The following CEP152 variants were observed in gnomAD, a reference collection of about 807,000 sequenced individuals.
CEP152 encodes centrosomal protein 152.
A neutral mutation model predicts 188.9 loss-of-function variants in CEP152; 132 were observed. The ratio of observed to expected loss-of-function variants is 0.70; its 90% CI spans 0.61 to 0.81. The LOEUF (loss-of-function observed/expected upper bound fraction) is 0.81, where lower values mean the gene tolerates loss of function less well. CEP152 is among the 30% of genes least tolerant of loss of function. CEP152 has a pLI of 0.00. For synonymous variants in CEP152, 649 were observed against 666.6 expected (o/e 0.97, Z 0.41); for missense variants, 1,914 against 1,969.8 (o/e 0.97, Z 0.54).
At chr15:48,751,659 G>A (rs573433001) in intron 21 of CEP152, among the ~76,000 whole-genome samples, 1 of 152,290 alleles carries the variant, frequency 6.6e-6, no homozygotes, top group South Asian at 2.1e-4. Context: ...TTGCGTTTGT[G>A]TGGGGAGGAA....
intron 18 of CEP152, among the ~76,000 whole-genome samples, chr15:48,761,002 C>T (rs905441045): frequency 3.3e-5 from 5 of 152,112 alleles, no homozygotes; most frequent in Non-Finnish European, 7.4e-5. Context: ...TGTCTACGTA[C>T]AAACTCCAAG....
chr15:48,802,181 T>C (rs1459202934), intron 2 of CEP152, among the ~76,000 whole-genome samples: 1 of 152,118 alleles, frequency 6.6e-6, no homozygotes, highest in Non-Finnish European at 1.5e-5. Flanking sequence ...TGCAAAGTCA[T>C]ATTGTTACAT....
Position 48,756,009 on chromosome 15 carries a change from T to C in CEP152, c.3239A>G (p.Lys1080Arg), listed in dbSNP as rs200167001. The C allele has an allele frequency of 5.6e-5, 90 of 1,614,096 alleles. No homozygotes were observed. The African/African-American group carries it at 1.1e-3, about 20-fold the overall frequency. Residue 1080 changes from lysine (K) to arginine (R), a missense_variant, in exon 20 of 27, where the codon AAA (lysine) becomes AGA (arginine). Coordinates refer to ENST00000380950, the MANE Select transcript of CEP152 (RefSeq NM_001194998.2). ...LLEIMSTCSS[K>R]WMSVQYFEKL... is the part of the protein sequence containing the mutation. ...TTCAAAATATTGCACAGACATCCAT[T>C]TTGAAGAACAAGTCGACATGATTTC...
In CEP152 at chr15:48,767,083, T is replaced by G; in HGVS notation, c.2257A>C (p.Lys753Gln). The G allele has an allele frequency of 1.2e-6, 2 of 1,613,320 alleles. No homozygotes were observed. The highest frequency in any genetic ancestry group is 1.1e-5 in the South Asian group (1 of 91,072). The change falls in exon 17 of 27, where the codon AAG (lysine) becomes CAG (glutamine). Residue 753 changes from lysine (K) to glutamine (Q), a missense_variant. Transcript: ENST00000380950. ...ACCTTCTCCTGAGTCTGTTGCTCCTTTTCAGTGGTCTTCCTGAGAGTCAAT... is the reference window on the plus strand; with the variant it reads ...ACCTTCTCCTGAGTCTGTTGCTCCTGTTCAGTGGTCTTCCTGAGAGTCAAT... ...LELTLRKTTEKEQQTQEKIKE... is the reference protein window; with the variant it reads ...LELTLRKTTEQEQQTQEKIKE...
chr15:48,750,648 T>C (rs1893801664), intron 21 of CEP152, among the ~76,000 whole-genome samples: 1 of 152,140 alleles, frequency 6.6e-6, no homozygotes, highest in Admixed American at 6.5e-5. Context: ...ACTGAAATAC[T>C]ATGTAGCAAT....
At chr15:48,775,393 C>A (rs949436512) in intron 12 of CEP152, among the ~76,000 whole-genome samples, 1 of 151,964 alleles carries the variant, frequency 6.6e-6, no homozygotes, top group Admixed American at 6.6e-5. Flanking sequence ...GAAAAAAATT[C>A]TTAAAGCAGC....
At position 48,756,503 on chromosome 15, in the gene CEP152, TTCAAGC is replaced by T; in HGVS notation, c.2739_2744del (p.Leu914_Glu915del). ...CAGGAAGTATATTTTTCCTCATATT[TTCAAGC>T]TCACTCTTCCATTTCTCTTTAGCTT... On this transcript the variant is annotated inframe_deletion, in exon 20 of 27. Coordinates refer to ENST00000380950, the MANE Select transcript of CEP152 (RefSeq NM_001194998.2). 1 of 1,611,188 alleles carries T rather than the reference TTCAAGC, an allele frequency of 6.2e-7. No homozygotes were observed. Among genetic ancestry groups the T allele is most frequent in the Middle Eastern group, 1.7e-4 (1 of 6,060 alleles).
chr15:48,780,624 C>T (rs1483725329), intron 12 of CEP152, among the ~76,000 whole-genome samples: 2 of 152,198 alleles, frequency 1.3e-5, no homozygotes, highest in Non-Finnish European at 1.5e-5. Context: ...AACACCGTAT[C>T]TCTCTCTTCC....
At chr15:48,799,758 T>G (rs1422233109) in intron 2 of CEP152, among the ~76,000 whole-genome samples, 1 of 152,054 alleles carries the variant, frequency 6.6e-6, no homozygotes. Context: ...AAGACATGCC[T>G]CAAATGAAAG....
chr15:48,804,042 G>T (rs1897830443), intron 2 of CEP152, among the ~76,000 whole-genome samples: 1 of 152,214 alleles, frequency 6.6e-6, no homozygotes, highest in African/African-American at 2.4e-5. Context: ...TGCCCTCAGG[G>T]CCCTGGCAGA....
chr15:48,766,478 A>G (rs1895105359), intron 17 of CEP152, among the ~76,000 whole-genome samples: 1 of 152,188 alleles, frequency 6.6e-6, no homozygotes, highest in African/African-American at 2.4e-5. Context: ...GACTCAGAAG[A>G]ATCAGGCAGA....
At chr15:48,749,822 G>A (rs868135390) in intron 21 of CEP152, among the ~76,000 whole-genome samples, 5 of 151,632 alleles carry the variant, frequency 3.3e-5, no homozygotes, top group East Asian at 1.9e-4. Context: ...CTAGACAAAC[G>A]TCTGTACTGG....
chr15:48,752,443 A>C lies in CEP152; in HGVS notation c.3372T>G (p.Asp1124Glu), dbSNP rs756801566. The part of the protein sequence containing the change: ...KKRNMAELSK[D>E]SASQGTGQGD... ...CTTGGCCAGTGCCCTGGCTGGCAGA[A>C]TCCTTAGAGAGCTCGGCCATATTTC... The change falls in exon 21 of 27, where the codon GAT (aspartate) becomes GAG (glutamate). Residue 1124 changes from aspartate (D) to glutamate (E), a missense_variant. Transcript: ENST00000380950. 1 of 1,613,738 alleles carries C rather than the reference A, an allele frequency of 6.2e-7. No individual in the cohort carries two copies. Among genetic ancestry groups the C allele is most frequent in the Non-Finnish European group, 8.5e-7 (1 of 1,180,020 alleles).
chr15:48,785,975 A>G (rs975765723), intron 9 of CEP152, among the ~76,000 whole-genome samples: 3 of 152,116 alleles, frequency 2.0e-5, no homozygotes, highest in Middle Eastern at 3.5e-3. Flanking sequence ...TGGGAGGGAA[A>G]AAGAACTGGA....
chr15:48,793,896 T>A (rs1897139563), intron 6 of CEP152, among the ~76,000 whole-genome samples: 1 of 152,150 alleles, frequency 6.6e-6, no homozygotes, highest in African/African-American at 2.4e-5. Context: ...AACAAGTACA[T>A]CAGCTTCTAT....
In CEP152 at chr15:48,762,454, C is replaced by T; in HGVS notation, c.2499G>A (p.Lys833=). ...NLEQEKDIAI[K]GAMKKLEIEL... The stretch of plus-strand genomic sequence containing the variant: ...CAATTTCGAGTTTCTTCATAGCCCC[C>T]TTGATGGCTATGTCCTTCTCTTGTT... Residue 833 remains lysine (K), a synonymous_variant, in exon 18 of 27, where the codon AAG becomes AAA. Transcript: ENST00000380950. 1.9e-6 allele frequency: 3 copies of T among 1,614,082 alleles called. No homozygotes were observed. The East Asian group carries it at 6.7e-5, about 36-fold the overall frequency.
intron 24 of CEP152, among the ~76,000 whole-genome samples, chr15:48,743,633 C>T (rs757623782): frequency 2.6e-5 from 4 of 152,108 alleles, no homozygotes; most frequent in East Asian, 1.9e-4. Context: ...GAGGCCGAAG[C>T]GGGTGGATCA....
chr15:48,742,236 A>C (rs1208607510), intron 24 of CEP152, 136 bp from the exon 25 acceptor site: 17 of 814,010 alleles, frequency 2.1e-5, no homozygotes, highest in Non-Finnish European at 3.5e-5. Flanking sequence ...TACTTTCCAC[A>C]GTCATTAAAA....
In CEP152 at chr15:48,775,151, G is replaced by A. The variant is rs552294639; in HGVS notation, c.1578-2460C>T. On this transcript the variant is annotated intron_variant, in intron 12 of 26. Transcript: ENST00000380950. ...ATGAACAGAGCCTCAAGAAACTGTA[G>A]TATAATATCAAAAAATCTAACATAC... is the stretch of plus-strand genomic sequence containing the variant. 4.6e-5 allele frequency among the ~76,000 whole-genome samples: 7 copies of A among 151,964 alleles called. No individual in the cohort carries two copies. The East Asian group carries it at 1.2e-3, about 25-fold the overall frequency.
Sources: allele counts gnomAD v4.1 joint callset (sites outside exome capture counted in the v4.1 genomes callset), GRCh38; gene constraint gnomAD v4.1.1; transcripts MANE v1.5; gene names NCBI Gene and HGNC (gene_info 2026-07-23, HGNC 2026-07-21).